RAP1A: variants seen among roughly 807,000 people sequenced by gnomAD.
RAP1A encodes the protein ras-related protein Rap-1A.
In RAP1A, 6 loss-of-function variants were observed where a neutral mutation model predicts 26.4. The observed-to-expected ratio is 0.23, with a 90% CI of 0.12 to 0.45. The LOEUF (loss-of-function observed/expected upper bound fraction) is 0.45. Among genes scored for constraint, RAP1A ranks in the 20% least tolerant of loss-of-function variants. RAP1A has a pLI of 0.99. For missense variants in RAP1A, 121 were observed against 217.2 expected (o/e 0.56, Z 2.78); for synonymous variants, 73 against 79.4 (o/e 0.92, Z 0.43).
intron 3 of RAP1A, among the ~76,000 whole-genome samples, chr1:111,695,883 T>C (rs528648279): frequency 6.6e-6 from 1 of 152,346 alleles, no homozygotes; most frequent in Admixed American, 6.5e-5. Context: ...CCATAGAATG[T>C]ACCATGCCAA....
At chr1:111,592,031 C>T (rs1658482321) in intron 1 of RAP1A, among the ~76,000 whole-genome samples, 1 of 152,290 alleles carries the variant, frequency 6.6e-6, no homozygotes, top group East Asian at 1.9e-4. Flanking sequence ...CTGGCTCCAA[C>T]ATTAGGCATT....
chr1:111,678,776 A>G (rs1450632520), intron 1 of RAP1A, among the ~76,000 whole-genome samples: 1 of 149,686 alleles, frequency 6.7e-6, no homozygotes, highest in African/African-American at 2.5e-5. Flanking sequence ...TTTTTTTTGT[A>G]TCAACTTTTT....
intron 1 of RAP1A, chr1:111,649,140 T>G (rs773533032): frequency 1.7e-6 from 1 of 574,938 alleles, no homozygotes; most frequent in Admixed American, 1.9e-5. Flanking sequence ...GATGTGGGCA[T>G]TGTCCACAGT....
At chr1:111,590,536 A>AT (rs1359785138) in intron 1 of RAP1A, among the ~76,000 whole-genome samples, 2 of 151,692 alleles carry the variant, frequency 1.3e-5, no homozygotes, top group South Asian at 2.1e-4. Context: ...AATAATTTGA[A>AT]TTTTTTCTCC....
At chr1:111,698,546 G>C (rs1661913351) in intron 4 of RAP1A, among the ~76,000 whole-genome samples, 1 of 152,090 alleles carries the variant, frequency 6.6e-6, no homozygotes, top group East Asian at 1.9e-4. Context: ...TGGGATTATA[G>C]GTGTGAGCCA....
At chr1:111,625,027 A>T (rs974198813) in intron 1 of RAP1A, among the ~76,000 whole-genome samples, 6 of 152,242 alleles carry the variant, frequency 3.9e-5, no homozygotes, top group African/African-American at 1.4e-4. Context: ...TGTTAAAGTT[A>T]ACCAAATTTA....
chr1:111,567,469 G>A (rs773507268), intron 1 of RAP1A, among the ~76,000 whole-genome samples: 21 of 152,272 alleles, frequency 1.4e-4, no homozygotes, highest in South Asian at 4.2e-4. Context: ...CTACTAGCTG[G>A]AGATTCTCCC....
upstream of RAP1A, among the ~76,000 whole-genome samples, chr1:111,618,946 AC>A (rs1326382583): frequency 2.0e-4 from 30 of 152,352 alleles, no homozygotes; most frequent in Middle Eastern, 3.4e-3. Context: ...TATTTTACAC[AC>A]ATCAGCAAGA....
intron 1 of RAP1A, among the ~76,000 whole-genome samples, chr1:111,610,059 C>A (rs1401056987): frequency 1.3e-5 from 2 of 152,166 alleles, no homozygotes; most frequent in Non-Finnish European, 2.9e-5. Context: ...TATGACCTTA[C>A]AGCCAAAAAT....
At chr1:111,618,820 T>TAAATAAAATA (rs112405146), upstream of RAP1A, among the ~76,000 whole-genome samples, 304 of 151,070 alleles carry the variant, frequency 2.0e-3, 1 homozygote, top group East Asian at 0.011. Flanking sequence ...AAAATGTATC[T>TAAATAAAATA]AAATAAAATA....
At chr1:111,564,896 A>C (rs1209457161) in intron 1 of RAP1A, among the ~76,000 whole-genome samples, 1 of 152,164 alleles carries the variant, frequency 6.6e-6, no homozygotes, top group Non-Finnish European at 1.5e-5. Context: ...CATGCTTGCT[A>C]TCATGAAACT....
chr1:111,641,000 G>A (rs139381250), intron 1 of RAP1A, among the ~76,000 whole-genome samples: 6 of 152,172 alleles, frequency 3.9e-5, no homozygotes, highest in African/African-American at 1.4e-4. Flanking sequence ...GTTAAGTAAT[G>A]TATTTTAAAA....
chr1:111,628,139 G>C (rs1450833445), intron 1 of RAP1A, among the ~76,000 whole-genome samples: 1 of 152,136 alleles, frequency 6.6e-6, no homozygotes, highest in Non-Finnish European at 1.5e-5. Flanking sequence ...GAGAGGATTA[G>C]AATAATGTGT....
chr1:111,607,641 GC>G (rs1658815785), intron 1 of RAP1A, among the ~76,000 whole-genome samples: 1 of 146,928 alleles, frequency 6.8e-6, no homozygotes, highest in African/African-American at 2.5e-5. Context: ...CGGGCGGGGG[GC>G]TGACCCCGCC....
chr1:111,617,502 G>A (rs1361569377), upstream of RAP1A, among the ~76,000 whole-genome samples: 1 of 151,990 alleles, frequency 6.6e-6, no homozygotes, highest in East Asian at 1.9e-4. Flanking sequence ...GCGCGATCTC[G>A]GCTCACTGCA....
chr1:111,696,672 A>G (rs531258468), intron 3 of RAP1A, among the ~76,000 whole-genome samples: 5 of 152,216 alleles, frequency 3.3e-5, no homozygotes, highest in African/African-American at 1.2e-4. Context: ...TTTAACTGCA[A>G]AGCAAGATCT....
intron 1 of RAP1A, among the ~76,000 whole-genome samples, chr1:111,671,241 G>T (rs1462373714): frequency 2.0e-5 from 3 of 152,158 alleles, no homozygotes; most frequent in African/African-American, 4.8e-5. Context: ...AGCCTCAAAG[G>T]TGAGAGCCAC....
At chr1:111,625,809 C>T (rs1484104683) in intron 1 of RAP1A, among the ~76,000 whole-genome samples, 1 of 151,002 alleles carries the variant, frequency 6.6e-6, no homozygotes, top group East Asian at 1.9e-4. Flanking sequence ...TTCTATTTCC[C>T]TTTTCTTCCT....
At chr1:111,598,169 T>C (rs1658594413) in intron 1 of RAP1A, among the ~76,000 whole-genome samples, 2 of 152,204 alleles carry the variant, frequency 1.3e-5, no homozygotes, top group Non-Finnish European at 2.9e-5. Flanking sequence ...ATACCATACA[T>C]AAGATGTTTC....
Sources: gnomAD v4.1 joint callset for allele counts (sites outside exome capture counted in the v4.1 genomes callset) on GRCh38, gnomAD v4.1.1 for gene constraint, MANE v1.5 for transcripts, NCBI Gene and HGNC (gene_info 2026-07-23, HGNC 2026-07-21) for gene names.